The following GALK2 variants were observed in gnomAD, a reference collection of about 807,000 sequenced individuals.
The protein encoded by GALK2 is N-acetylgalactosamine kinase.
In GALK2, 36 loss-of-function variants were observed where a neutral mutation model predicts 52.4. The ratio of observed to expected loss-of-function variants is 0.69; its 90% CI spans 0.53 to 0.91. The LOEUF is 0.91. Ranked by LOEUF, GALK2 falls within the 40% of genes least tolerant of loss-of-function variation. GALK2 has a pLI of 0.00. For synonymous variants in GALK2, 176 were observed against 199.1 expected (o/e 0.88, Z 0.98); for missense variants, 579 against 559.1 (o/e 1.04, Z -0.36).
intron 5 of GALK2, among the ~76,000 whole-genome samples, chr15:49,241,458 A>T (rs2091089897): frequency 6.6e-6 from 1 of 152,222 alleles, no homozygotes; most frequent in Admixed American, 6.5e-5. Context: ...AACAGCAAAG[A>T]CAAGGAAGAT....
chr15:49,341,940 T>C (rs1037055013), intron 3 of GALK2, among the ~76,000 whole-genome samples: 1 of 152,190 alleles, frequency 6.6e-6, no homozygotes, highest in African/African-American at 2.4e-5. Context: ...CAAAACTGCT[T>C]TATGGCCGAG....
At chr15:49,335,351 TTC>T (rs1204577762), downstream of GALK2, 3 of 1,026,702 alleles carry the variant, frequency 2.9e-6, no homozygotes, top group African/African-American at 3.2e-5. Context: ...TTTAGATGAT[TTC>T]TCTGATTGTT....
At position 49,282,146 on chromosome 15, in the gene GALK2, A is replaced by T. The variant is rs1175868961; in HGVS notation, c.603+61A>T. The T allele has an allele frequency of 6.5e-6, 8 of 1,235,470 alleles. No homozygotes were observed. The African/African-American group carries it at 1.0e-4, about 16-fold the overall frequency. The allele number at this position is 1,235,470 out of a possible 1,614,324, so 76.5% of individuals were successfully genotyped here. ...TCCTAGTGGGAAAATTTACATGGAG[A>T]AGAAGGCCCTGAGAGCCCCAGGATG... On this transcript the variant is annotated intron_variant, in intron 6 of 9. Coordinates refer to ENST00000560031, the MANE Select transcript of GALK2 (RefSeq NM_002044.4).
At chr15:49,309,604 T>C (rs1402094647) in intron 8 of GALK2, among the ~76,000 whole-genome samples, 1 of 151,876 alleles carries the variant, frequency 6.6e-6, no homozygotes, top group Non-Finnish European at 1.5e-5. Flanking sequence ...AATCCTCTTT[T>C]CTAGTTGCTT....
chr15:49,278,299 T>C (rs1296219053), intron 5 of GALK2, among the ~76,000 whole-genome samples: 2 of 152,106 alleles, frequency 1.3e-5, no homozygotes, highest in South Asian at 2.1e-4. Flanking sequence ...ATTGGACATA[T>C]ATTTTCCTGT....
At chr15:49,161,967 C>G (rs1399127365) in intron 1 of GALK2, 1 of 152,434 alleles carries the variant, frequency 6.6e-6, no homozygotes, top group African/African-American at 2.4e-5. Flanking sequence ...GATCCACTCG[C>G]CTTGGCCTCC....
intron 1 of GALK2, among the ~76,000 whole-genome samples, chr15:49,181,501 CTT>C (rs370757144): frequency 0.068 from 7,726 of 113,416 alleles, 330 homozygotes; most frequent in African/African-American, 0.17. Context: ...AAAAAAAAGA[CTT>C]TTTTTTTTTT....
At position 49,292,199 on chromosome 15, in the gene GALK2, A is replaced by C. The variant is rs887140667; in HGVS notation, c.757-128A>C. The stretch of plus-strand genomic sequence containing the variant: ...TATGCATTTCCAAGTAATGGTGGGA[A>C]AGTTGGATAGGTTGAAAGGAAAACA... On this transcript the variant is annotated intron_variant, in intron 7 of 9. Transcript: ENST00000560031. 4 of 759,562 alleles carry C rather than the reference A, an allele frequency of 5.3e-6. No individual in the cohort carries two copies. The African/African-American group carries it at 7.0e-5, about 13-fold the overall frequency. 47.1% of individuals were successfully genotyped at this position (759,562 alleles called of 1,614,324 possible).
At chr15:49,181,542 T>C (rs2085972634) in intron 1 of GALK2, among the ~76,000 whole-genome samples, 2 of 148,084 alleles carry the variant, frequency 1.4e-5, no homozygotes, top group Admixed American at 1.3e-4. Context: ...CTCACTCTGT[T>C]GCCCAGGCTG....
intron 1 of GALK2, among the ~76,000 whole-genome samples, chr15:49,179,794 T>A (rs944136799): frequency 6.6e-6 from 1 of 152,104 alleles, no homozygotes. Flanking sequence ...ATTGAAATGC[T>A]CATTGTATTT....
intron 5 of GALK2, 41 bp from the exon 6 acceptor site, chr15:49,281,946 T>C: frequency 7.1e-7 from 1 of 1,412,964 alleles, no homozygotes; most frequent in Non-Finnish European, 1.0e-6. Context: ...GAGAAATGGG[T>C]TATGACTACT....
intron 3 of GALK2, 130 bp from the exon 4 acceptor site, chr15:49,235,721 C>A: frequency 2.6e-6 from 2 of 781,678 alleles, no homozygotes. Context: ...GCTGTAGACA[C>A]ACAGTTTGAA....
intron 2 of GALK2, among the ~76,000 whole-genome samples, chr15:49,213,962 A>C (rs1305560828): frequency 7.2e-5 from 11 of 151,986 alleles, no homozygotes; most frequent in Non-Finnish European, 1.3e-4. Context: ...CTAAAAAATA[A>C]AAAAAGATTT....
chr15:49,256,172 C>A (rs1208789160), intron 5 of GALK2, among the ~76,000 whole-genome samples: 1 of 152,098 alleles, frequency 6.6e-6, no homozygotes, highest in African/African-American at 2.4e-5. Flanking sequence ...ATTTACATGT[C>A]TTTGTGTCTG....
At chr15:49,276,609 T>C (rs1300537443) in intron 5 of GALK2, among the ~76,000 whole-genome samples, 1 of 152,216 alleles carries the variant, frequency 6.6e-6, no homozygotes. Flanking sequence ...CATTTTATGG[T>C]TCTATTTTCA....
At chr15:49,322,583 C>T (rs1042069377) in intron 9 of GALK2, among the ~76,000 whole-genome samples, 10 of 152,106 alleles carry the variant, frequency 6.6e-5, no homozygotes, top group African/African-American at 2.4e-4. Flanking sequence ...TATGTCCTTC[C>T]CTCCTTCAAT....
At chr15:49,160,484 A>G (rs1007488931) in intron 1 of GALK2, among the ~76,000 whole-genome samples, 3 of 152,000 alleles carry the variant, frequency 2.0e-5, no homozygotes, top group African/African-American at 7.3e-5. Flanking sequence ...CTTTACAACA[A>G]AACAAACCTC....
At chr15:49,303,329 C>T (rs1016471959) in intron 8 of GALK2, among the ~76,000 whole-genome samples, 1 of 152,172 alleles carries the variant, frequency 6.6e-6, no homozygotes, top group African/African-American at 2.4e-5. Context: ...ATAAAACTTG[C>T]AACTTCTGTA....
At chr15:49,316,360 A>G (rs990789944) in intron 8 of GALK2, among the ~76,000 whole-genome samples, 3 of 151,954 alleles carry the variant, frequency 2.0e-5, no homozygotes, top group Admixed American at 6.6e-5. Flanking sequence ...AAACTTTAAT[A>G]AGATTTATTG....
Sources: gnomAD v4.1 joint callset for allele counts (sites outside exome capture counted in the v4.1 genomes callset) on GRCh38, gnomAD v4.1.1 for gene constraint, MANE v1.5 for transcripts, NCBI Gene and HGNC (gene_info 2026-07-23, HGNC 2026-07-21) for gene names.